DLG2: variants seen among roughly 807,000 people sequenced by gnomAD.
The protein encoded by DLG2 is discs large MAGUK scaffold protein 2.
Under a neutral mutation model 132.5 loss-of-function variants are expected in DLG2, and 45 were observed. The observed-to-expected ratio is 0.34, with a 90% confidence interval of 0.27 to 0.44. The LOEUF is 0.44. Among genes scored for constraint, DLG2 ranks in the 20% least tolerant of loss-of-function variants. The pLI is 1.00. For synonymous variants in DLG2, 424 were observed against 419.6 expected (o/e 1.01, Z -0.13); for missense variants, 1,045 against 1,196.9 (o/e 0.87, Z 1.87).
At chr11:84,386,896 C>T (rs1811942380) in intron 7 of DLG2, among the ~76,000 whole-genome samples, 1 of 152,098 alleles carries the variant, frequency 6.6e-6, no homozygotes, top group Non-Finnish European at 1.5e-5. Context: ...TTTTCCTACG[C>T]TATTTGCCTT....
chr11:84,465,284 C>T (rs939534356), intron 7 of DLG2, among the ~76,000 whole-genome samples: 5 of 151,030 alleles, frequency 3.3e-5, no homozygotes, highest in Admixed American at 6.6e-5. Flanking sequence ...AGTGTTTAAC[C>T]GGGAAAGTTG....
chr11:85,530,260 T>C (rs1462050272), intron 3 of DLG2, among the ~76,000 whole-genome samples: 5 of 151,958 alleles, frequency 3.3e-5, no homozygotes, highest in Non-Finnish European at 7.4e-5. Flanking sequence ...CCTCCCAAAG[T>C]GCTGGGATTA....
intron 16 of DLG2, among the ~76,000 whole-genome samples, chr11:83,837,635 C>G (rs114815573): frequency 0.012 from 1,661 of 137,822 alleles, 29 homozygotes; most frequent in African/African-American, 0.042. Context: ...CTAAAGGGAG[C>G]AGGTTTTACT....
chr11:84,066,676 G>A (rs1473545492), intron 10 of DLG2, among the ~76,000 whole-genome samples: 4 of 152,018 alleles, frequency 2.6e-5, no homozygotes, highest in Admixed American at 6.6e-5. Flanking sequence ...CAGGAGAATC[G>A]CTTGAACCTG....
At chr11:85,013,862 T>C (rs2154136547) in intron 6 of DLG2, among the ~76,000 whole-genome samples, 1 of 152,290 alleles carries the variant, frequency 6.6e-6, no homozygotes, top group East Asian at 1.9e-4. Flanking sequence ...AAATGGTTAT[T>C]TTTTTAAGGT....
At chr11:85,353,956 G>A (rs957709573) in intron 3 of DLG2, among the ~76,000 whole-genome samples, 21 of 150,892 alleles carry the variant, frequency 1.4e-4, no homozygotes, top group African/African-American at 4.6e-4. Context: ...TCTGCACGTC[G>A]TGCACATGTA....
At chr11:84,747,138 TACA>T (rs535572112) in intron 6 of DLG2, among the ~76,000 whole-genome samples, 1 of 152,118 alleles carries the variant, frequency 6.6e-6, no homozygotes, top group Admixed American at 6.6e-5. Context: ...TAAATACTTG[TACA>T]ACAAGTTCTG....
At chr11:84,108,259 CAGTGTT>C (rs936493077) in intron 9 of DLG2, among the ~76,000 whole-genome samples, 19 of 151,908 alleles carry the variant, frequency 1.3e-4, no homozygotes, top group Non-Finnish European at 2.5e-4. Flanking sequence ...AAGCAGCACT[CAGTGTT>C]AGTCATGTGA....
At chr11:85,435,117 C>A (rs1460070147) in intron 3 of DLG2, among the ~76,000 whole-genome samples, 1 of 152,144 alleles carries the variant, frequency 6.6e-6, no homozygotes, top group African/African-American at 2.4e-5. Context: ...ATTCAACATC[C>A]CTTCACATTA....
rs563450853 is a variant in DLG2, at chr11:83,913,336, G to A, written c.1496+16992C>T. On this transcript the variant is annotated intron_variant, in intron 15 of 27. Transcript: ENST00000376104. ...CACCAAATACAGGGCTCTTATGGGAGTAAATAAATGAATAATGATTTAAAT... is the reference window on the plus strand; with the variant it reads ...CACCAAATACAGGGCTCTTATGGGAATAAATAAATGAATAATGATTTAAAT... 1.2e-4 allele frequency among the ~76,000 whole-genome samples: 19 copies of A among 152,102 alleles called. No individual in the cohort carries two copies. In the South Asian group the frequency reaches 2.5e-3, roughly 20 times the overall value.
At chr11:83,768,598 T>C (rs1330092212) in intron 18 of DLG2, among the ~76,000 whole-genome samples, 1 of 152,234 alleles carries the variant, frequency 6.6e-6, no homozygotes, top group Non-Finnish European at 1.5e-5. Context: ...GTATATTTTA[T>C]TAAGCAACAA....
chr11:83,615,730 G>A (rs1014214006), intron 19 of DLG2, among the ~76,000 whole-genome samples: 1 of 152,204 alleles, frequency 6.6e-6, no homozygotes, highest in Non-Finnish European at 1.5e-5. Flanking sequence ...CACGAGCCAT[G>A]GAATGCAGCA....
chr11:84,059,217 T>A (rs1037178830), intron 11 of DLG2, 98 bp downstream of exon 11: 5 of 1,197,762 alleles, frequency 4.2e-6, no homozygotes, highest in Admixed American at 4.2e-5. Flanking sequence ...AAGCACTGAA[T>A]GTCAGAGGTT....
At chr11:83,814,190 T>C (rs1225247944) in intron 17 of DLG2, among the ~76,000 whole-genome samples, 2 of 152,132 alleles carry the variant, frequency 1.3e-5, no homozygotes, top group African/African-American at 4.8e-5. Context: ...CAAGTGCATA[T>C]ACATACAAGG....
chr11:84,297,893 C>G (rs1343073451), intron 7 of DLG2, among the ~76,000 whole-genome samples: 1 of 152,086 alleles, frequency 6.6e-6, no homozygotes, highest in Non-Finnish European at 1.5e-5. Flanking sequence ...AGTCTTTTAT[C>G]TGTAACACCA....
At chr11:83,574,587 C>A (rs2096846281) in intron 19 of DLG2, among the ~76,000 whole-genome samples, 1 of 152,122 alleles carries the variant, frequency 6.6e-6, no homozygotes, top group Non-Finnish European at 1.5e-5. Flanking sequence ...CTGACCTGAA[C>A]AAGCAGAACA....
intron 3 of DLG2, among the ~76,000 whole-genome samples, chr11:85,559,396 G>A (rs535679431): frequency 4.4e-4 from 66 of 151,178 alleles, no homozygotes; most frequent in African/African-American, 1.5e-3. Flanking sequence ...TGATCTGCCC[G>A]CCTCGGCCTC....
At chr11:85,607,978 T>C (rs2080710452) in intron 2 of DLG2, among the ~76,000 whole-genome samples, 1 of 152,196 alleles carries the variant, frequency 6.6e-6, no homozygotes, top group Non-Finnish European at 1.5e-5. Context: ...ACATTGGATT[T>C]TTCTCGGTCC....
intron 3 of DLG2, among the ~76,000 whole-genome samples, chr11:85,359,886 C>G (rs750135852): frequency 6.6e-6 from 1 of 152,128 alleles, no homozygotes; most frequent in Non-Finnish European, 1.5e-5. Flanking sequence ...GGTGATGAGA[C>G]ATGATCATGT....
Sources: allele counts gnomAD v4.1 joint callset (sites outside exome capture counted in the v4.1 genomes callset), GRCh38; gene constraint gnomAD v4.1.1; transcripts MANE v1.5; gene names NCBI Gene and HGNC (gene_info 2026-07-23, HGNC 2026-07-21).